The following ZMAT4 variants were observed in gnomAD, a reference collection of about 807,000 sequenced individuals.
ZMAT4 encodes the protein zinc finger matrin-type 4.
A neutral mutation model predicts 28.7 loss-of-function variants in ZMAT4; 17 were observed. That is an observed-to-expected ratio of 0.59 (90% CI 0.41 to 0.89). The LOEUF is 0.89. Ranked by LOEUF, ZMAT4 falls within the 40% of genes least tolerant of loss-of-function variation. The pLI is 0.00. For synonymous variants in ZMAT4, 117 were observed against 109.2 expected (o/e 1.07, Z -0.44); for missense variants, 240 against 283.8 (o/e 0.85, Z 1.11).
At chr8:40,653,381 G>A (rs1004348233) in intron 5 of ZMAT4, among the ~76,000 whole-genome samples, 1 of 151,886 alleles carries the variant, frequency 6.6e-6, no homozygotes, top group Non-Finnish European at 1.5e-5. Context: ...AAAACTCAAT[G>A]AAAGCAGAAG....
rs564677777 is a variant in ZMAT4, at chr8:40,790,991, T to C, written c.103-23261A>G. Among the ~76,000 whole-genome samples, 93 of 152,350 alleles carry C rather than the reference T, an allele frequency of 6.1e-4. 2 individuals are homozygous for C. In the South Asian group the frequency reaches 0.018, roughly 30 times the overall value. ...CAGAAAGAGATTCACATTTATATGG[T>C]CAATTGATTTTGAAAAAGAAGCAAA... On this transcript the variant is annotated intron_variant, in intron 2 of 6. Coordinates refer to ENST00000297737, the MANE Select transcript of ZMAT4 (RefSeq NM_024645.3).
chr8:40,881,560 A>G lies in ZMAT4; in HGVS notation c.-5+16123T>C, dbSNP rs991965588. Reference sequence around the variant, plus strand: ...AAAGAAAGAAAGAAAGAAAGAAAGAAAGAAAGAAAGAAAGAAAGAAAGAAA... The same window carrying G: ...AAAGAAAGAAAGAAAGAAAGAAAGAGAGAAAGAAAGAAAGAAAGAAAGAAA... On this transcript the variant is annotated intron_variant, in intron 1 of 6. Transcript: ENST00000297737. Among the ~76,000 whole-genome samples the G allele has an allele frequency of 1.4e-3, 144 of 101,502 alleles. 7 individuals are homozygous for G. The highest frequency in any genetic ancestry group is 5.4e-3 in the African/African-American group (134 of 24,718). 66.6% of individuals were successfully genotyped at this position (101,502 alleles called of 152,430 possible). A position where few individuals can be genotyped will look rare whatever the true frequency, so the allele number is the denominator to read the frequency against.
chr8:40,726,049 T>C (rs1286107643), intron 3 of ZMAT4, among the ~76,000 whole-genome samples: 1 of 152,230 alleles, frequency 6.6e-6, no homozygotes, highest in Non-Finnish European at 1.5e-5. Context: ...CTGATTTCCA[T>C]TACCCCTTGT....
intron 5 of ZMAT4, among the ~76,000 whole-genome samples, chr8:40,662,822 T>G (rs916600493): frequency 3.9e-5 from 6 of 152,206 alleles, no homozygotes; most frequent in African/African-American, 1.4e-4. Context: ...AGAATTCTAA[T>G]GTACAGGCTC....
intron 1 of ZMAT4, among the ~76,000 whole-genome samples, chr8:40,879,653 A>G (rs2150661795): frequency 6.6e-6 from 1 of 152,364 alleles, no homozygotes; most frequent in African/African-American, 2.4e-5. Context: ...TTGTGTTATA[A>G]AAATGAATAA....
intron 2 of ZMAT4, among the ~76,000 whole-genome samples, chr8:40,800,440 T>A (rs1230632274): frequency 6.6e-6 from 1 of 152,150 alleles, no homozygotes; most frequent in African/African-American, 2.4e-5. Context: ...AGAATACACA[T>A]TCTCAAACTT....
At chr8:40,890,348 G>T (rs1224300184) in intron 1 of ZMAT4, among the ~76,000 whole-genome samples, 4 of 152,062 alleles carry the variant, frequency 2.6e-5, no homozygotes, top group Non-Finnish European at 4.4e-5. Flanking sequence ...AGGGAACACT[G>T]CTCTCTCTTT....
At chr8:40,572,698 T>C (rs1804136446) in intron 6 of ZMAT4, among the ~76,000 whole-genome samples, 1 of 152,172 alleles carries the variant, frequency 6.6e-6, no homozygotes, top group Admixed American at 6.6e-5. Flanking sequence ...TAATAGGCAA[T>C]TGCTTTAAAT....
At chr8:40,785,132 C>A (rs1195790803) in intron 2 of ZMAT4, among the ~76,000 whole-genome samples, 1 of 152,166 alleles carries the variant, frequency 6.6e-6, no homozygotes, top group African/African-American at 2.4e-5. Flanking sequence ...TACACATATG[C>A]CTCCCTTTGA....
intron 2 of ZMAT4, among the ~76,000 whole-genome samples, chr8:40,819,192 A>G (rs562529976): frequency 6.6e-6 from 1 of 152,234 alleles, no homozygotes; most frequent in African/African-American, 2.4e-5. Flanking sequence ...TGATGAGAGA[A>G]CAATACTAGA....
At chr8:40,711,005 C>T (rs191206588) in intron 3 of ZMAT4, among the ~76,000 whole-genome samples, 17 of 152,108 alleles carry the variant, frequency 1.1e-4, no homozygotes, top group Middle Eastern at 3.4e-3. Context: ...AGGATGGTCT[C>T]GATCTCTTGA....
At chr8:40,548,160 G>GATAATCAAACAT (rs2118409135) in intron 6 of ZMAT4, among the ~76,000 whole-genome samples, 1 of 152,322 alleles carries the variant, frequency 6.6e-6, no homozygotes, top group Non-Finnish European at 1.5e-5. Flanking sequence ...ACATTTAGGT[G>GATAATCAAACAT]TAGGAAGGAC....
At chr8:40,853,334 A>T (rs1168396541) in intron 1 of ZMAT4, among the ~76,000 whole-genome samples, 1 of 152,144 alleles carries the variant, frequency 6.6e-6, no homozygotes, top group Non-Finnish European at 1.5e-5. Context: ...AGCCAGGTGA[A>T]CCATGAGGTC....
At chr8:40,534,326 G>A (rs779960953) in intron 6 of ZMAT4, among the ~76,000 whole-genome samples, 1 of 152,124 alleles carries the variant, frequency 6.6e-6, no homozygotes, top group South Asian at 2.1e-4. Context: ...TGATACAAAA[G>A]AACACGGAAA....
intron 5 of ZMAT4, among the ~76,000 whole-genome samples, chr8:40,621,396 G>C (rs1002825025): frequency 1.3e-5 from 2 of 152,192 alleles, no homozygotes; most frequent in African/African-American, 2.4e-5. Flanking sequence ...AAATGACTGA[G>C]AGTAGGATAC....
At chr8:40,604,173 A>T (rs2118631091) in intron 5 of ZMAT4, among the ~76,000 whole-genome samples, 1 of 152,300 alleles carries the variant, frequency 6.6e-6, no homozygotes, top group Non-Finnish European at 1.5e-5. Flanking sequence ...GAACAGTGAC[A>T]GTTTGACTTC....
intron 3 of ZMAT4, among the ~76,000 whole-genome samples, chr8:40,731,753 A>T (rs1221061885): frequency 6.6e-6 from 1 of 152,240 alleles, no homozygotes; most frequent in Admixed American, 6.5e-5. Context: ...CGAAATAAGA[A>T]TTAGAGATAT....
chr8:40,897,224 G>A (rs1451817155), intron 1 of ZMAT4, among the ~76,000 whole-genome samples: 1 of 152,128 alleles, frequency 6.6e-6, no homozygotes, highest in African/African-American at 2.4e-5. Flanking sequence ...AAGGACTCCA[G>A]TTGAAGGTCA....
At chr8:40,632,125 G>A (rs1440611018) in intron 5 of ZMAT4, among the ~76,000 whole-genome samples, 1 of 152,162 alleles carries the variant, frequency 6.6e-6, no homozygotes, top group Non-Finnish European at 1.5e-5. Flanking sequence ...TCTAGTGGTT[G>A]AACAGACTGG....
Sources: allele counts gnomAD v4.1 joint callset (sites outside exome capture counted in the v4.1 genomes callset), GRCh38; gene constraint gnomAD v4.1.1; transcripts MANE v1.5; gene names NCBI Gene and HGNC (gene_info 2026-07-23, HGNC 2026-07-21).